Variants in UGT2A3 observed in about 807,000 individuals in gnomAD.
The protein encoded by UGT2A3 is UDP-glucuronosyltransferase 2A3.
Under a neutral mutation model 44.1 loss-of-function variants are expected in UGT2A3, and 55 were observed. That is an observed-to-expected ratio of 1.25 (90% CI 1.00 to 1.56). The LOEUF is 1.56. Among genes scored for constraint, UGT2A3 ranks in the 40% most tolerant of loss-of-function variants. The probability of loss-of-function intolerance (pLI) is 0.00; values close to 1 mark genes in which losing one functional copy is unlikely to be tolerated. For synonymous variants in UGT2A3, 243 were observed against 215.1 expected, an observed-to-expected ratio of 1.13 and a Z score of -1.13; for missense variants, 733 against 621.6, an observed-to-expected ratio of 1.18 and a Z score of -1.91.
chr4:68,931,823 T>A (rs554314764), intron 3 of UGT2A3, among the ~76,000 whole-genome samples: 8 of 152,154 alleles, frequency 5.3e-5, no homozygotes, highest in Admixed American at 5.2e-4. Context: ...ACCTTTTTTT[T>A]ACACAATTTT....
rs376003923 is a variant in UGT2A3, at chr4:68,930,770, T to A, written c.1085-5A>T. 114 of 1,566,944 alleles carry A rather than the reference T, an allele frequency of 7.3e-5. No individual in the cohort carries two copies. The highest frequency in any genetic ancestry group is 9.3e-5 in the Non-Finnish European group (108 of 1,161,326). On this transcript the variant is annotated splice_polypyrimidine_tract_variant and splice_region_variant and intron_variant, in intron 4 of 5. Transcript: ENST00000251566. ...AAGCTTTGGTTTTGGGATGACCTAGTATGTAAATTGGATGAGAAATGGTGA... is the reference window on the plus strand; with the variant it reads ...AAGCTTTGGTTTTGGGATGACCTAGAATGTAAATTGGATGAGAAATGGTGA...
chr4:68,944,956 G>A (rs1718330327), intron 2 of UGT2A3, among the ~76,000 whole-genome samples: 2 of 151,676 alleles, frequency 1.3e-5, no homozygotes, highest in South Asian at 4.1e-4. Context: ...GTACTATCAT[G>A]ACAAATATCC....
intron 1 of UGT2A3, among the ~76,000 whole-genome samples, chr4:68,946,363 T>C (rs1394381859): frequency 1.3e-5 from 2 of 151,696 alleles, no homozygotes; most frequent in Admixed American, 1.3e-4. Flanking sequence ...CATCACATTT[T>C]AATGTTTGAA....
chr4:68,947,486 T>C (rs2109795641), intron 1 of UGT2A3, among the ~76,000 whole-genome samples: 1 of 151,942 alleles, frequency 6.6e-6, no homozygotes, highest in South Asian at 2.1e-4. Flanking sequence ...ATGTCTTCAA[T>C]CCCTCAAAAT....
chr4:68,938,359 T>C (rs536905362), intron 2 of UGT2A3, among the ~76,000 whole-genome samples: 38 of 152,218 alleles, frequency 2.5e-4, no homozygotes, highest in East Asian at 7.7e-4. Flanking sequence ...TTTTCCACCA[T>C]GATCAAGTTG....
chr4:68,950,009 A>G (rs1169923457), intron 1 of UGT2A3, among the ~76,000 whole-genome samples: 1 of 151,842 alleles, frequency 6.6e-6, no homozygotes, highest in African/African-American at 2.4e-5. Context: ...GTTTTATTTT[A>G]AATTTCAATC....
intron 2 of UGT2A3, chr4:68,943,191 T>G: frequency 2.1e-6 from 1 of 468,652 alleles, no homozygotes; most frequent in East Asian, 1.2e-4. Context: ...CTATGATTAT[T>G]TCTATGAGTG....
At chr4:68,931,276 A>G (rs772073362) in intron 3 of UGT2A3, 34 bp from the exon 4 acceptor site, 2 of 1,505,088 alleles carry the variant, frequency 1.3e-6, no homozygotes, top group East Asian at 4.5e-5. Flanking sequence ...CACAGAGTGA[A>G]CCACAGGATA....
intron 2 of UGT2A3, among the ~76,000 whole-genome samples, chr4:68,939,512 C>CT: frequency 6.6e-6 from 1 of 151,630 alleles, no homozygotes; most frequent in Non-Finnish European, 1.5e-5. Flanking sequence ...AAAGTTGAAA[C>CT]GGATCCCTTC....
intron 2 of UGT2A3, among the ~76,000 whole-genome samples, chr4:68,939,449 A>G (rs992116411): frequency 1.3e-5 from 2 of 152,190 alleles, no homozygotes; most frequent in Non-Finnish European, 2.9e-5. Flanking sequence ...GAAATGGAGA[A>G]AGGATTCCCT....
In UGT2A3 at chr4:68,951,543, T is replaced by A. The variant is rs1217093293; in HGVS notation, c.218A>T (p.Lys73Ile). 6.2e-7 allele frequency: 1 copy of A among 1,612,922 alleles called. No individual in the cohort carries two copies. Among genetic ancestry groups the A allele is most frequent in the African/African-American group, 1.3e-5 (1 of 74,832 alleles). The change falls in exon 1 of 6, where the codon AAA becomes ATA. Residue 73 changes from lysine to isoleucine, a missense_variant. Transcript: ENST00000251566. ...CTGTGGCATATGGACCACCTCAAAT[T>A]TCAATGCAGAAGGCTTCCTGTAGTC... ...LIDYRKPSAL[K>I]FEVVHMPQDR...
In UGT2A3 at chr4:68,928,547, T is replaced by A. The variant is rs1396390919; in HGVS notation, c.*1266A>T. 6.6e-6 allele frequency: 1 copy of A among 152,068 alleles called. No individual in the cohort carries two copies. Among genetic ancestry groups the A allele is most frequent in the African/African-American group, 2.4e-5 (1 of 41,446 alleles). 9.4% of individuals were successfully genotyped at this position (152,068 alleles called of 1,614,324 possible). On this transcript the variant is annotated 3_prime_UTR_variant, in exon 6 of 6. Transcript: ENST00000251566. ...TATATTTATTTTTATATCATCATTT[T>A]AAAATTGAAATTAATTTGTAGATAT...
At chr4:68,942,864 G>A (rs549570927) in intron 2 of UGT2A3, among the ~76,000 whole-genome samples, 4 of 151,668 alleles carry the variant, frequency 2.6e-5, no homozygotes, top group African/African-American at 9.6e-5. Context: ...ATAGTTAATA[G>A]TAATGTATTA....
chr4:68,929,759 G>C lies in UGT2A3; in HGVS notation c.*54C>G. The stretch of plus-strand genomic sequence containing the variant: ...TAGCAAGGTTTTCACCAAATTCTAT[G>C]TGGCTGGAATTAACAGGATTACCCC... On this transcript the variant is annotated 3_prime_UTR_variant, in exon 6 of 6. Transcript: ENST00000251566. 2 of 1,436,522 alleles carry C rather than the reference G, an allele frequency of 1.4e-6. No individual in the cohort carries two copies. The highest frequency in any genetic ancestry group is 1.9e-6 in the Non-Finnish European group (2 of 1,064,008). 89.0% of individuals were successfully genotyped at this position (1,436,522 alleles called of 1,614,324 possible). A position where few individuals can be genotyped will look rare whatever the true frequency, so the allele number is the denominator to read the frequency against.
intron 3 of UGT2A3, 34 bp from the exon 4 acceptor site, chr4:68,931,276 A>C (rs772073362): frequency 2.0e-6 from 3 of 1,505,088 alleles, no homozygotes; most frequent in Non-Finnish European, 2.8e-6. Flanking sequence ...CACAGAGTGA[A>C]CCACAGGATA....
At chr4:68,938,060 A>C (rs1718022812) in intron 2 of UGT2A3, among the ~76,000 whole-genome samples, 1 of 150,310 alleles carries the variant, frequency 6.7e-6, no homozygotes, top group African/African-American at 2.4e-5. Context: ...AAATTGAGGC[A>C]ATAATATCCT....
In UGT2A3 at chr4:68,951,673, G is replaced by A. The variant is rs535874025; in HGVS notation, c.88C>T (p.Pro30Ser). 1 of 1,611,852 alleles carries A rather than the reference G, an allele frequency of 6.2e-7. No homozygotes were observed. The highest frequency in any genetic ancestry group is 1.3e-5 in the African/African-American group (1 of 74,876). Residue 30 changes from proline to serine, a missense_variant, in exon 1 of 6, where the codon CCC (proline) becomes TCC (serine). Physicochemically the swap from Pro to Ser is moderately conservative, Grantham distance 74. Transcript: ENST00000251566. ...TTAAGCCAATGGCTCATGTCACAGG[G>A]CCACACCAGGACTTTCCCACAGAAT... is the stretch of plus-strand genomic sequence containing the variant. ...CGFCGKVLVW[P>S]CDMSHWLNVK...
intron 2 of UGT2A3, among the ~76,000 whole-genome samples, chr4:68,937,996 C>G (rs1718019827): frequency 6.6e-6 from 1 of 151,976 alleles, no homozygotes; most frequent in Admixed American, 6.6e-5. Flanking sequence ...TACACCATCC[C>G]AAGACTAAAT....
Position 68,929,117 on chromosome 4 carries a change from T to G in UGT2A3, c.*696A>C, listed in dbSNP as rs566514726. 83 of 152,234 alleles carry G rather than the reference T, an allele frequency of 5.5e-4. No individual in the cohort carries two copies. The highest frequency in any genetic ancestry group is 2.0e-3 in the African/African-American group (83 of 41,568). The allele number at this position is 152,234 out of a possible 1,614,324, so 9.4% of individuals were successfully genotyped here. A position where few individuals can be genotyped will look rare whatever the true frequency, so the allele number is the denominator to read the frequency against. On this transcript the variant is annotated 3_prime_UTR_variant, in exon 6 of 6. Coordinates refer to ENST00000251566, the MANE Select transcript of UGT2A3 (RefSeq NM_024743.4). ...TTGAATATCTTACTGACATGTTCTC[T>G]ATGTGAGAAAAAAAATAGTTTCTTT...
Sources: allele counts gnomAD v4.1 joint callset (sites outside exome capture counted in the v4.1 genomes callset), GRCh38; gene constraint gnomAD v4.1.1; transcripts MANE v1.5; gene names NCBI Gene and HGNC (gene_info 2026-07-23, HGNC 2026-07-21).